Variants in ASCC3 observed in about 807,000 individuals in gnomAD.
ASCC3 encodes the protein activating signal cointegrator 1 complex subunit 3.
Under a neutral mutation model 256.3 loss-of-function variants are expected in ASCC3, and 158 were observed. The ratio of observed to expected loss-of-function variants is 0.62; its 90% CI spans 0.54 to 0.70. The LOEUF (loss-of-function observed/expected upper bound fraction) is 0.70. Among genes scored for constraint, ASCC3 ranks in the 30% least tolerant of loss-of-function variants. The pLI is 0.00. For synonymous variants in ASCC3, 948 were observed against 883.4 expected (o/e 1.07, Z -1.30); for missense variants, 2,259 against 2,626.0 (o/e 0.86, Z 3.05).
chr6:100,542,212 C>A (rs941587032), intron 36 of ASCC3, among the ~76,000 whole-genome samples: 12 of 152,086 alleles, frequency 7.9e-5, no homozygotes, highest in African/African-American at 2.9e-4. Context: ...GAGAACTATA[C>A]AACCATAATT....
intron 4 of ASCC3, among the ~76,000 whole-genome samples, chr6:100,835,344 C>G (rs1582938062): frequency 6.6e-6 from 1 of 151,924 alleles, no homozygotes; most frequent in Non-Finnish European, 1.5e-5. Flanking sequence ...CCAAAAAAAC[C>G]CTTACACAGA....
intron 4 of ASCC3, among the ~76,000 whole-genome samples, chr6:100,839,908 T>A (rs1287503928): frequency 6.6e-6 from 1 of 152,202 alleles, no homozygotes; most frequent in African/African-American, 2.4e-5. Flanking sequence ...CAATAAAATA[T>A]ATGGCTTGGG....
intron 5 of ASCC3, among the ~76,000 whole-genome samples, chr6:100,802,617 TA>T (rs147842523): frequency 0.039 from 5,998 of 152,218 alleles, 146 homozygotes; most frequent in African/African-American, 0.057. Context: ...ATCAACATAA[TA>T]AACATAAACA....
chr6:100,545,708 G>C (rs1775688617), intron 36 of ASCC3, among the ~76,000 whole-genome samples: 1 of 152,052 alleles, frequency 6.6e-6, no homozygotes, highest in African/African-American at 2.4e-5. Flanking sequence ...TCTCACCTTA[G>C]CCTTCAGAGT....
chr6:100,732,565 C>T (rs1024048068), intron 10 of ASCC3, among the ~76,000 whole-genome samples: 1 of 152,178 alleles, frequency 6.6e-6, no homozygotes, highest in Non-Finnish European at 1.5e-5. Context: ...AACATGGGTA[C>T]ATCTATAAAC....
At chr6:100,532,372 A>ATGTG (rs1167560882) in intron 37 of ASCC3, among the ~76,000 whole-genome samples, 3 of 68,716 alleles carry the variant, frequency 4.4e-5, no homozygotes, top group African/African-American at 1.6e-4. Flanking sequence ...GTGTGTGTGT[A>ATGTG]TGTGTGTATA....
chr6:100,820,434 T>G (rs1476727973), intron 4 of ASCC3, among the ~76,000 whole-genome samples: 1 of 152,124 alleles, frequency 6.6e-6, no homozygotes, highest in Non-Finnish European at 1.5e-5. Context: ...TGGCCAGTGA[T>G]GTACAAAAAA....
intron 24 of ASCC3, 101 bp from the exon 25 acceptor site, chr6:100,638,922 A>C: frequency 9.6e-7 from 1 of 1,036,502 alleles, no homozygotes; most frequent in Non-Finnish European, 1.5e-6. Context: ...TTAGTTCCTT[A>C]GACAAGGAGA....
intron 4 of ASCC3, among the ~76,000 whole-genome samples, chr6:100,845,806 T>C (rs974698785): frequency 6.6e-6 from 1 of 152,188 alleles, no homozygotes; most frequent in African/African-American, 2.4e-5. Context: ...AAGACTTTAA[T>C]AGCTAGCCCT....
At chr6:100,678,767 G>C (rs1777149979) in intron 14 of ASCC3, among the ~76,000 whole-genome samples, 3 of 152,028 alleles carry the variant, frequency 2.0e-5, no homozygotes, top group Admixed American at 6.6e-5. Flanking sequence ...GAAACAGAAA[G>C]TAATTTACAG....
At chr6:100,723,869 TATATATATA>T (rs1779464753) in intron 11 of ASCC3, among the ~76,000 whole-genome samples, 1 of 27,882 alleles carries the variant, frequency 3.6e-5, no homozygotes, top group African/African-American at 2.4e-4. Context: ...ATTATATATA[TATATATATA>T]TATATATATA....
intron 34 of ASCC3, among the ~76,000 whole-genome samples, chr6:100,591,330 C>A (rs1771988460): frequency 6.6e-6 from 1 of 151,942 alleles, no homozygotes; most frequent in Admixed American, 6.6e-5. Context: ...TCTGGACATT[C>A]AAGCCATATA....
At chr6:100,823,873 T>C (rs1359553384) in intron 4 of ASCC3, among the ~76,000 whole-genome samples, 1 of 152,178 alleles carries the variant, frequency 6.6e-6, no homozygotes, top group East Asian at 1.9e-4. Context: ...TATATCACTG[T>C]TATTCCAACA....
chr6:100,760,760 C>CA (rs1372102755), intron 10 of ASCC3, among the ~76,000 whole-genome samples: 5 of 151,948 alleles, frequency 3.3e-5, no homozygotes, highest in African/African-American at 7.2e-5. Flanking sequence ...CAAACATAGA[C>CA]CAAAAAAATC....
intron 17 of ASCC3, among the ~76,000 whole-genome samples, chr6:100,653,231 CTAAAG>C (rs2114915455): frequency 6.6e-6 from 1 of 152,200 alleles, no homozygotes; most frequent in African/African-American, 2.4e-5. Flanking sequence ...TTCTCCCATA[CTAAAG>C]TAAATAGGGA....
chr6:100,590,114 T>C (rs934898069), intron 34 of ASCC3, 55 bp from the exon 35 acceptor site: 3 of 1,204,322 alleles, frequency 2.5e-6, no homozygotes, highest in Non-Finnish European at 3.7e-6. Context: ...CTACTAAAAC[T>C]ATCACCTCAG....
intron 25 of ASCC3, 111 bp downstream of exon 25, chr6:100,638,490 G>T: frequency 1.1e-6 from 1 of 905,876 alleles, no homozygotes; most frequent in Non-Finnish European, 1.7e-6. Flanking sequence ...GAAATTCACT[G>T]AGAGTGACAA....
In ASCC3 at chr6:100,607,121, T is replaced by A. The variant is rs570241335; in HGVS notation, c.4786-33A>T. Reference sequence around the variant, plus strand: ...TAAAAACAAAATTACAAGATGTAGATGCATAACTTTAAAATTTTCATTAAT... The same window carrying A: ...TAAAAACAAAATTACAAGATGTAGAAGCATAACTTTAAAATTTTCATTAAT... On this transcript the variant is annotated intron_variant, in intron 30 of 41. Transcript: ENST00000369162. 1.2e-5 allele frequency: 20 copies of A among 1,606,338 alleles called. No individual in the cohort carries two copies. In the East Asian group the frequency reaches 4.5e-4, roughly 36 times the overall value.
chr6:100,516,799 C>G (rs569913845), intron 38 of ASCC3, among the ~76,000 whole-genome samples: 1 of 152,070 alleles, frequency 6.6e-6, no homozygotes, highest in East Asian at 1.9e-4. Context: ...CCCAGAAACA[C>G]AGGCCACATA....
Sources: gnomAD v4.1 joint callset for allele counts (sites outside exome capture counted in the v4.1 genomes callset) on GRCh38, gnomAD v4.1.1 for gene constraint, MANE v1.5 for transcripts, NCBI Gene and HGNC (gene_info 2026-07-23, HGNC 2026-07-21) for gene names.